EPM2A: variants seen among roughly 807,000 people sequenced by gnomAD.
EPM2A encodes the protein laforin.
Under a neutral mutation model 26.5 loss-of-function variants are expected in EPM2A, and 21 were observed. The observed-to-expected ratio is 0.79, with a 90% CI of 0.56 to 1.14. The LOEUF (loss-of-function observed/expected upper bound fraction) is 1.14, where lower values mean the gene tolerates loss of function less well. Among genes scored for constraint, EPM2A ranks in the 50% most tolerant of loss-of-function variants. EPM2A has a pLI of 0.00. For synonymous variants in EPM2A, 217 were observed against 177.6 expected (o/e 1.22, Z -1.76); for missense variants, 458 against 440.8 (o/e 1.04, Z -0.35).
At chr6:145,489,733 C>T (rs2114740366) in intron 4 of EPM2A, 1 of 1,463,920 alleles carries the variant, frequency 6.8e-7, no homozygotes, top group South Asian at 1.1e-5. Context: ...TCGTGATCTT[C>T]CCTGGCAGCC....
intron 2 of EPM2A, among the ~76,000 whole-genome samples, chr6:145,527,435 G>A (rs1490674274): frequency 1.3e-5 from 2 of 152,052 alleles, no homozygotes; most frequent in Non-Finnish European, 2.9e-5. Flanking sequence ...ATTTTCATAA[G>A]TATAGAAGTA....
chr6:145,449,676 T>C (rs1175191762), intron 4 of EPM2A, among the ~76,000 whole-genome samples: 1 of 152,224 alleles, frequency 6.6e-6, no homozygotes, highest in African/African-American at 2.4e-5. Context: ...TTCCAGCTAG[T>C]GCAATCAATG....
rs1171004466 is a variant in EPM2A, at chr6:145,627,155, C to T, written c.*261G>A. 1.5e-6 allele frequency: 2 copies of T among 1,377,838 alleles called. No homozygotes were observed. The highest frequency in any genetic ancestry group is 2.9e-5 in the East Asian group (1 of 34,524). 85.4% of individuals were successfully genotyped at this position (1,377,838 alleles called of 1,614,324 possible). A position where few individuals can be genotyped will look rare whatever the true frequency, so the allele number is the denominator to read the frequency against. Reference sequence around the variant, plus strand: ...GCCTGCAGGCAGCAGGAACTGCACGCATTACCCTTCTGTCTGATGTACAGC... The same window carrying T: ...GCCTGCAGGCAGCAGGAACTGCACGTATTACCCTTCTGTCTGATGTACAGC... On this transcript the variant is annotated 3_prime_UTR_variant, in exon 4 of 4. Coordinates refer to ENST00000367519, the MANE Select transcript of EPM2A (RefSeq NM_005670.4).
intron 2 of EPM2A, among the ~76,000 whole-genome samples, chr6:145,598,825 G>T (rs1196066759): frequency 6.6e-6 from 1 of 151,854 alleles, no homozygotes; most frequent in Non-Finnish European, 1.5e-5. Flanking sequence ...TCTGCATATG[G>T]CTAACAAGTT....
chr6:145,629,334 T>C (rs952315969), intron 3 of EPM2A: 7 of 152,226 alleles, frequency 4.6e-5, no homozygotes, highest in African/African-American at 1.7e-4. Flanking sequence ...CTTTAACCCA[T>C]CTAAACCACC....
exon 5 of EPM2A, chr6:145,383,636 C>G (rs183413201): frequency 4.2e-4 from 64 of 152,332 alleles, no homozygotes; most frequent in African/African-American, 1.5e-3. Context: ...CACTTCCCAG[C>G]AGGCCCTACC....
rs1404589826 is a variant in EPM2A at position 145,627,435 on chromosome 6, G to T, written c.977C>A (p.Ser326Tyr). ...GACCAGCTACAGGCTACACACAGAA[G>T]AACGAACCTTCCCAAATTTCTGGAA... is the stretch of plus-strand genomic sequence containing the variant. ...DFFQKFGKVR[S>Y]SVCSL is the part of the protein sequence containing the mutation. Residue 326 changes from serine (S) to tyrosine (Y), a missense_variant, in exon 4 of 4, where the codon TCT (serine) becomes TAT (tyrosine). Ser to Tyr is a moderately radical substitution (Grantham distance 144). Transcript: ENST00000367519. 1.2e-6 allele frequency: 2 copies of T among 1,614,208 alleles called. No individual in the cohort carries two copies. The highest frequency in any genetic ancestry group is 2.2e-5 in the South Asian group (2 of 91,070).
intron 1 of EPM2A, among the ~76,000 whole-genome samples, chr6:145,725,127 A>C (rs1452762821): frequency 2.8e-5 from 4 of 143,260 alleles, no homozygotes; most frequent in African/African-American, 7.6e-5. Context: ...AAAATCATGA[A>C]TTTAAAAATG....
chr6:145,445,965 G>A (rs1376844043), intron 4 of EPM2A, among the ~76,000 whole-genome samples: 2 of 152,146 alleles, frequency 1.3e-5, no homozygotes, highest in African/African-American at 4.8e-5. Flanking sequence ...CTTTGGGGAT[G>A]ACTATAATGG....
intron 1 of EPM2A, among the ~76,000 whole-genome samples, chr6:145,704,271 G>T (rs1165812743): frequency 1.3e-5 from 2 of 152,096 alleles, no homozygotes; most frequent in Non-Finnish European, 2.9e-5. Flanking sequence ...GAAAGATAAG[G>T]TTGGGAAACA....
At chr6:145,419,551 C>T (rs1778755347) in intron 4 of EPM2A, among the ~76,000 whole-genome samples, 1 of 152,108 alleles carries the variant, frequency 6.6e-6, no homozygotes, top group African/African-American at 2.4e-5. Flanking sequence ...GGTTAGAAAT[C>T]GTGAGACTCC....
At chr6:145,415,071 G>T (rs1323921207) in intron 4 of EPM2A, among the ~76,000 whole-genome samples, 1 of 152,150 alleles carries the variant, frequency 6.6e-6, no homozygotes, top group Non-Finnish European at 1.5e-5. Flanking sequence ...TGACCACGCT[G>T]TCACTTTAGT....
intron 2 of EPM2A, among the ~76,000 whole-genome samples, chr6:145,517,779 C>G (rs1370357004): frequency 6.6e-6 from 1 of 152,046 alleles, no homozygotes; most frequent in Non-Finnish European, 1.5e-5. Context: ...ATTTTTCAGG[C>G]CCTATTTGAA....
chr6:145,586,981 TGACTGTTGTTA>T (rs1781204093), intron 2 of EPM2A, among the ~76,000 whole-genome samples: 1 of 152,220 alleles, frequency 6.6e-6, no homozygotes, highest in Non-Finnish European at 1.5e-5. Flanking sequence ...CCAAATTCAA[TGACTGTTGTTA>T]GATTTTTTCA....
intron 4 of EPM2A, among the ~76,000 whole-genome samples, chr6:145,400,640 T>A (rs1044005085): frequency 2.0e-5 from 3 of 152,178 alleles, no homozygotes; most frequent in African/African-American, 7.2e-5. Flanking sequence ...GGACTAACTG[T>A]ATTAATTTCA....
chr6:145,449,353 T>A (rs1380005474), intron 4 of EPM2A, among the ~76,000 whole-genome samples: 2 of 152,226 alleles, frequency 1.3e-5, no homozygotes, highest in Admixed American at 6.5e-5. Flanking sequence ...TCTATTTTTA[T>A]ACAACCAGAT....
At chr6:145,463,020 A>G (rs1045351309) in intron 4 of EPM2A, among the ~76,000 whole-genome samples, 1 of 152,172 alleles carries the variant, frequency 6.6e-6, no homozygotes, top group Non-Finnish European at 1.5e-5. Context: ...GTTATATAAA[A>G]AACATTTTAT....
chr6:145,452,426 A>G (rs1779207204), intron 4 of EPM2A, among the ~76,000 whole-genome samples: 1 of 143,574 alleles, frequency 7.0e-6, no homozygotes, highest in Non-Finnish European at 1.5e-5. Flanking sequence ...CGGGCAGAGC[A>G]CGAGGTCAGG....
chr6:145,422,114 AAATATAT>A (rs1485070256), intron 4 of EPM2A, among the ~76,000 whole-genome samples: 1 of 146,398 alleles, frequency 6.8e-6, no homozygotes, highest in East Asian at 2.0e-4. Flanking sequence ...ATACATATAT[AAATATAT>A]AATATAGTTA....
Sources: allele counts gnomAD v4.1 joint callset (sites outside exome capture counted in the v4.1 genomes callset), GRCh38; gene constraint gnomAD v4.1.1; transcripts MANE v1.5; gene names NCBI Gene and HGNC (gene_info 2026-07-23, HGNC 2026-07-21).